GRM7: variants seen among roughly 807,000 people sequenced by gnomAD.
The protein encoded by GRM7 is glutamate metabotropic receptor 7, also known as metabotropic glutamate receptor 7.
A neutral mutation model predicts 84.5 loss-of-function variants in GRM7; 35 were observed. The ratio of observed to expected loss-of-function variants is 0.41; its 90% CI spans 0.32 to 0.55. GRM7 has a LOEUF of 0.55. Among genes scored for constraint, GRM7 ranks in the 20% least tolerant of loss-of-function variants. The probability of loss-of-function intolerance (pLI) is 0.19; values close to 1 mark genes in which losing one functional copy is unlikely to be tolerated. For missense variants in GRM7, 1,003 were observed against 1,194.6 expected (o/e 0.84, Z 2.36); for synonymous variants, 487 against 455.1 (o/e 1.07, Z -0.89).
rs1242933146 is a variant in GRM7 at position 6,862,005 on chromosome 3, C to T, written c.519+98C>T. 3.0e-6 allele frequency: 3 copies of T among 1,002,648 alleles called. No homozygotes were observed. Among genetic ancestry groups the T allele is most frequent in the Non-Finnish European group, 4.4e-6 (3 of 684,412 alleles). The allele number at this position is 1,002,648 out of a possible 1,614,324, so 62.1% of individuals were successfully genotyped here. The stretch of plus-strand genomic sequence containing the variant: ...ACTCCGGTGGTGCGGGTCAGGTCAG[C>T]CTTCGCTCATTTCCTCCCTGGAGAT... On this transcript the variant is annotated intron_variant, in intron 1 of 9. Coordinates refer to ENST00000357716, the MANE Select transcript of GRM7 (RefSeq NM_000844.4). The surrounding 1 kb of genome is among the most constrained non-coding windows in gnomAD (Gnocchi z 5.2).
At chr3:6,960,982 T>A (rs1189571934) in intron 1 of GRM7, among the ~76,000 whole-genome samples, 1 of 152,222 alleles carries the variant, frequency 6.6e-6, no homozygotes, top group East Asian at 1.9e-4. Flanking sequence ...CTGAATATTT[T>A]TGCTTGCAGC....
intron 1 of GRM7, among the ~76,000 whole-genome samples, chr3:6,944,289 T>C (rs1220028915): frequency 6.6e-6 from 1 of 152,144 alleles, no homozygotes; most frequent in Non-Finnish European, 1.5e-5. Context: ...CTTTCATTAC[T>C]AAGTATGTTG....
At chr3:7,276,191 TTATATATA>T (rs58218001) in intron 2 of GRM7, among the ~76,000 whole-genome samples, 30 of 130,428 alleles carry the variant, frequency 2.3e-4, no homozygotes, top group African/African-American at 7.6e-4. Context: ...ATTTTTTAAA[TTATATATA>T]TATATATATG....
chr3:7,314,285 G>A (rs559994821), intron 4 of GRM7, among the ~76,000 whole-genome samples: 2 of 151,974 alleles, frequency 1.3e-5, no homozygotes, highest in Admixed American at 6.6e-5. Context: ...CTAAGTTATC[G>A]TATCCACATT....
At chr3:7,461,562 C>T in intron 6 of GRM7, 21 bp from the exon 7 acceptor site, 1 of 1,600,046 alleles carries the variant, frequency 6.2e-7, no homozygotes. Context: ...TAGAATCTTT[C>T]ATTTTTTCTG....
chr3:7,258,187 A>G (rs924248530), intron 2 of GRM7, among the ~76,000 whole-genome samples: 2 of 151,756 alleles, frequency 1.3e-5, no homozygotes, highest in Non-Finnish European at 2.9e-5. Flanking sequence ...TTTAAACCTT[A>G]TTTTCTCTCT....
At chr3:7,328,590 A>G (rs1248080251) in intron 4 of GRM7, among the ~76,000 whole-genome samples, 1 of 152,118 alleles carries the variant, frequency 6.6e-6, no homozygotes, top group Non-Finnish European at 1.5e-5. Context: ...TAGAGAATGC[A>G]ATTCAGAATG....
intron 5 of GRM7, among the ~76,000 whole-genome samples, chr3:7,422,408 CTT>C: frequency 6.6e-6 from 1 of 152,272 alleles, no homozygotes; most frequent in Non-Finnish European, 1.5e-5. Context: ...AAGGAGCTGA[CTT>C]TTAAAATTAT....
intron 4 of GRM7, among the ~76,000 whole-genome samples, chr3:7,318,910 T>C (rs1192962274): frequency 6.6e-6 from 1 of 152,080 alleles, no homozygotes; most frequent in African/African-American, 2.4e-5. Context: ...CTGACTGCTT[T>C]TTTCTCTGAA....
At chr3:7,163,930 T>C (rs1694714817) in intron 2 of GRM7, among the ~76,000 whole-genome samples, 1 of 152,256 alleles carries the variant, frequency 6.6e-6, no homozygotes, top group Admixed American at 6.5e-5. Flanking sequence ...CCTGAGGTAC[T>C]AATTTAACCT....
intron 2 of GRM7, among the ~76,000 whole-genome samples, chr3:7,291,994 C>G (rs1304283758): frequency 6.6e-6 from 1 of 152,202 alleles, no homozygotes; most frequent in Non-Finnish European, 1.5e-5. Flanking sequence ...TTCTCATTTT[C>G]ACTCTTGTGT....
chr3:7,694,305 C>T (rs1314820422), intron 9 of GRM7: 1 of 217,010 alleles, frequency 4.6e-6, no homozygotes, highest in Non-Finnish European at 7.9e-6. Flanking sequence ...TGTTAACCAT[C>T]AGTGTTGTGA....
intron 4 of GRM7, among the ~76,000 whole-genome samples, chr3:7,414,271 A>G (rs947526269): frequency 2.0e-5 from 3 of 152,116 alleles, no homozygotes; most frequent in Non-Finnish European, 4.4e-5. Context: ...ATTGCCACAA[A>G]CAAGATACTG....
At chr3:6,990,557 G>A (rs1694596825) in intron 1 of GRM7, among the ~76,000 whole-genome samples, 3 of 152,146 alleles carry the variant, frequency 2.0e-5, no homozygotes, top group Admixed American at 2.0e-4. Flanking sequence ...ATGGACGGGG[G>A]CTGAGTTGGC....
At chr3:7,710,627 C>G (rs1206875209) in intron 9 of GRM7, among the ~76,000 whole-genome samples, 3 of 152,142 alleles carry the variant, frequency 2.0e-5, no homozygotes, top group African/African-American at 7.2e-5. Context: ...CAGCTTCTAC[C>G]TAAGAAATGA....
Position 7,110,083 on chromosome 3 carries a change from C to T in GRM7, c.520-36369C>T, listed in dbSNP as rs186264978. 2.6e-5 allele frequency among the ~76,000 whole-genome samples: 4 copies of T among 152,100 alleles called. No individual in the cohort carries two copies. In the East Asian group the frequency reaches 5.8e-4, roughly 22 times the overall value. The stretch of plus-strand genomic sequence containing the variant: ...TAACATGAAATTTTGCCTCAAAATA[C>T]AATTTCATTATTTATTTTAAAAACT... On this transcript the variant is annotated intron_variant, in intron 1 of 9. Transcript: ENST00000357716.
Position 7,220,802 on chromosome 3 carries a change from A to T in GRM7, c.736+74134A>T, listed in dbSNP as rs563345372. 1.8e-4 allele frequency among the ~76,000 whole-genome samples: 27 copies of T among 152,282 alleles called. No individual in the cohort carries two copies. In the East Asian group the frequency reaches 4.2e-3, roughly 24 times the overall value. On this transcript the variant is annotated intron_variant, in intron 2 of 9. Coordinates refer to ENST00000357716, the MANE Select transcript of GRM7 (RefSeq NM_000844.4). The stretch of plus-strand genomic sequence containing the variant: ...CCTTCTAAAATATAGTTTATTTTTA[A>T]AAAGAGAATTTTGCAGCTTGGTACG...
At chr3:7,423,550 G>C (rs1559311677) in intron 5 of GRM7, among the ~76,000 whole-genome samples, 2 of 152,144 alleles carry the variant, frequency 1.3e-5, no homozygotes, top group African/African-American at 4.8e-5. Flanking sequence ...AGAAGAAAGG[G>C]TTGTGGAATG....
chr3:7,517,747 A>G (rs1700445364), intron 7 of GRM7, among the ~76,000 whole-genome samples: 1 of 152,150 alleles, frequency 6.6e-6, no homozygotes, highest in Non-Finnish European at 1.5e-5. Context: ...TATCCGGGCC[A>G]GGTATTAACA....
Sources: allele counts gnomAD v4.1 joint callset (sites outside exome capture counted in the v4.1 genomes callset), GRCh38; gene constraint gnomAD v4.1.1; non-coding constraint Gnocchi (gnomAD v3.1); transcripts MANE v1.5; gene names NCBI Gene and HGNC (gene_info 2026-07-23, HGNC 2026-07-21).